The following SLC6A6 variants were observed in gnomAD, a reference collection of about 807,000 sequenced individuals.
SLC6A6 encodes the protein solute carrier family 6 member 6.
Under a neutral mutation model 68.8 loss-of-function variants are expected in SLC6A6, and 16 were observed. The observed-to-expected ratio is 0.23, with a 90% confidence interval of 0.16 to 0.35. SLC6A6 has a LOEUF of 0.35. Among genes scored for constraint, SLC6A6 ranks in the 10% least tolerant of loss-of-function variants. SLC6A6 has a pLI of 1.00. For missense variants in SLC6A6, 474 were observed against 802.8 expected, an observed-to-expected ratio of 0.59 and a Z score of 4.95; for synonymous variants, 312 against 315.4, an observed-to-expected ratio of 0.99 and a Z score of 0.12.
chr3:14,424,882 C>T (rs947406881), intron 2 of SLC6A6, among the ~76,000 whole-genome samples: 1 of 152,098 alleles, frequency 6.6e-6, no homozygotes, highest in East Asian at 1.9e-4. Flanking sequence ...GGGGACACGG[C>T]GCTATTGAAG....
intron 1 of SLC6A6, among the ~76,000 whole-genome samples, chr3:14,410,581 G>A (rs1048525341): frequency 1.3e-5 from 2 of 152,198 alleles, no homozygotes; most frequent in African/African-American, 4.8e-5. Flanking sequence ...GGCTGGCAAT[G>A]GAAGGCTTCC....
chr3:14,433,124 G>A (rs1409595518), intron 2 of SLC6A6, among the ~76,000 whole-genome samples: 5 of 151,842 alleles, frequency 3.3e-5, no homozygotes, highest in African/African-American at 1.2e-4. Flanking sequence ...AAGGTGGGAC[G>A]GTGACCCAGT....
At chr3:14,414,891 T>C (rs1439520456) in intron 1 of SLC6A6, among the ~76,000 whole-genome samples, 1 of 152,234 alleles carries the variant, frequency 6.6e-6, no homozygotes, top group Non-Finnish European at 1.5e-5. Context: ...GGTTTTGCCC[T>C]ATGCAGAATT....
intron 5 of SLC6A6, among the ~76,000 whole-genome samples, 172 bp from the exon 6 acceptor site, chr3:14,457,778 A>C (rs1275625486): frequency 1.3e-5 from 2 of 152,146 alleles, no homozygotes; most frequent in Non-Finnish European, 2.9e-5. Context: ...TCTTTCCAAC[A>C]ACTCTGTCTC....
chr3:14,482,770 T>C (rs373477533), intron 14 of SLC6A6, among the ~76,000 whole-genome samples: 17 of 152,218 alleles, frequency 1.1e-4, no homozygotes, highest in African/African-American at 3.6e-4. Context: ...CTGGAGCTTT[T>C]GACCCATTCT....
At chr3:14,438,029 G>A (rs1203918970) in intron 2 of SLC6A6, among the ~76,000 whole-genome samples, 2 of 137,724 alleles carry the variant, frequency 1.5e-5, no homozygotes, top group Non-Finnish European at 3.1e-5. Context: ...ATTTTTAGTA[G>A]AGATGGGGTT....
rs752113333 is a variant in SLC6A6 at position 14,479,096 on chromosome 3, C to A, written c.1462C>A (p.Leu488Ile). 1 of 1,611,224 alleles carries A rather than the reference C, an allele frequency of 6.2e-7. No individual in the cohort carries two copies. The highest frequency in any genetic ancestry group is 8.5e-7 in the Non-Finnish European group (1 of 1,177,392). The change falls in exon 13 of 15, where the codon CTT becomes ATT. Residue 488 changes from leucine to isoleucine, a missense_variant. By Grantham distance (5) the Leu-to-Ile change is conservative (BLOSUM62 2). Transcript: ENST00000622186. Reference protein sequence around the residue: ...VIAWIYGGDNLYDGIEDMIGY... With the variant: ...VIAWIYGGDNIYDGIEDMIGY... ...TCTGTCTCTTGCAGGAGGTGATAAC[C>A]TTTATGATGGTATTGAGGACATGAT...
At chr3:14,479,491 C>G (rs1462519180) in intron 13 of SLC6A6, among the ~76,000 whole-genome samples, 1 of 152,100 alleles carries the variant, frequency 6.6e-6, no homozygotes, top group East Asian at 1.9e-4. Flanking sequence ...TTGAGAAATC[C>G]AGGGGATCCA....
intron 2 of SLC6A6, among the ~76,000 whole-genome samples, chr3:14,438,984 G>A (rs552092964): frequency 5.4e-4 from 82 of 152,348 alleles, no homozygotes; most frequent in African/African-American, 1.9e-3. Flanking sequence ...GCCTTGGACT[G>A]AGGTGGTAGA....
At chr3:14,440,032 G>C (rs191134999) in intron 2 of SLC6A6, among the ~76,000 whole-genome samples, 1 of 152,208 alleles carries the variant, frequency 6.6e-6, no homozygotes, top group Non-Finnish European at 1.5e-5. Flanking sequence ...GGACTGGATA[G>C]TAGTGATAGC....
In SLC6A6 at chr3:14,445,056, A is replaced by C. The variant is rs1432644232; in HGVS notation, c.230-661A>C. ...AAGAGGCGACGTGTGAGTGGGTCTT[A>C]AGAGGCCAAGCCGTCCTTGTTCAGG... On this transcript the variant is annotated intron_variant, in intron 3 of 14. Coordinates refer to ENST00000622186, the MANE Select transcript of SLC6A6 (RefSeq NM_003043.6). 9.9e-5 allele frequency among the ~76,000 whole-genome samples: 4 copies of C among 40,462 alleles called. No individual in the cohort carries two copies. The East Asian group carries it at 2.6e-3, about 26-fold the overall frequency. 26.5% of individuals were successfully genotyped at this position (40,462 alleles called of 152,430 possible).
At chr3:14,458,462 T>C (rs1331534230) in intron 6 of SLC6A6, among the ~76,000 whole-genome samples, 1 of 152,214 alleles carries the variant, frequency 6.6e-6, no homozygotes, top group Non-Finnish European at 1.5e-5. Flanking sequence ...TTCTAATAAA[T>C]AGGTTAGCTG....
chr3:14,414,845 CCTCT>C (rs1292290969), intron 1 of SLC6A6, among the ~76,000 whole-genome samples: 7 of 152,196 alleles, frequency 4.6e-5, no homozygotes, highest in African/African-American at 1.7e-4. Context: ...TTCTTATCCT[CCTCT>C]CTGAGATGGG....
intron 5 of SLC6A6, among the ~76,000 whole-genome samples, chr3:14,449,237 G>C (rs1265957042): frequency 6.6e-6 from 1 of 152,240 alleles, no homozygotes; most frequent in Non-Finnish European, 1.5e-5. Context: ...GCTGCTCCAG[G>C]CCTTCAGTGT....
intron 9 of SLC6A6, among the ~76,000 whole-genome samples, chr3:14,471,646 G>A (rs1385195187): frequency 6.6e-6 from 1 of 152,210 alleles, no homozygotes; most frequent in Non-Finnish European, 1.5e-5. Flanking sequence ...TCATGGGCTT[G>A]GCTCTGACCT....
At chr3:14,444,729 C>G in intron 3 of SLC6A6, 1 of 456,676 alleles carries the variant, frequency 2.2e-6, no homozygotes, top group South Asian at 1.5e-5. Flanking sequence ...GTTTCTTAAC[C>G]TTTTGTAGGT....
intron 3 of SLC6A6, 41 bp from the exon 4 acceptor site, chr3:14,445,676 C>T (rs775964930): frequency 6.2e-7 from 1 of 1,613,290 alleles, no homozygotes; most frequent in Admixed American, 1.7e-5. Context: ...TCGGCGCTGC[C>T]ATGGCCACAG....
At chr3:14,443,494 G>T in intron 2 of SLC6A6, 130 bp from the exon 3 acceptor site, 1 of 643,458 alleles carries the variant, frequency 1.6e-6, no homozygotes, top group East Asian at 2.6e-5. Context: ...GACAGACAGG[G>T]ATGCCAGGCC....
At chr3:14,403,077 AGTGTGTGTGT>A (rs34547966) in intron 1 of SLC6A6, among the ~76,000 whole-genome samples, 18,408 of 143,320 alleles carry the variant, frequency 0.13, 1,326 homozygotes, top group South Asian at 0.22. Context: ...GCGGCAGGAG[AGTGTGTGTGT>A]GTGTGTGTGT....
Sources: gnomAD v4.1 joint callset for allele counts (sites outside exome capture counted in the v4.1 genomes callset) on GRCh38, gnomAD v4.1.1 for gene constraint, MANE v1.5 for transcripts, NCBI Gene and HGNC (gene_info 2026-07-23, HGNC 2026-07-21) for gene names.